The following CRACR2A variants were observed in gnomAD, a reference collection of about 807,000 sequenced individuals.
The protein encoded by CRACR2A is EF-hand calcium-binding domain-containing protein 4B.
Under a neutral mutation model 90.5 loss-of-function variants are expected in CRACR2A, and 79 were observed. The ratio of observed to expected loss-of-function variants is 0.87; its 90% CI spans 0.73 to 1.05. CRACR2A has a LOEUF of 1.05. Ranked by LOEUF, CRACR2A falls within the 50% of genes least tolerant of loss-of-function variation. The probability of loss-of-function intolerance (pLI) is 0.00; values close to 1 mark genes in which losing one functional copy is unlikely to be tolerated. For missense variants in CRACR2A, 823 were observed against 897.2 expected (o/e 0.92, Z 1.06); for synonymous variants, 338 against 356.7 (o/e 0.95, Z 0.59).
Position 3,633,629 on chromosome 12 carries a change from G to T in CRACR2A, c.1710C>A (p.Phe570Leu). The change falls in exon 15 of 20, where the codon TTC (phenylalanine) becomes TTA (leucine). Residue 570 changes from phenylalanine (F) to leucine (L), a missense_variant. Transcript: ENST00000440314. The surrounding 1 kb of genome is among the most constrained non-coding windows in gnomAD (Gnocchi z 4.5). ...SFLRRFCEDR[F>L]SPGMAATVGI... ...CCACAGTGGCCGCCATGCCTGGGGA[G>T]AACCGGTCCTCACAGAATCTCCTCA... 1 of 1,551,728 alleles carries T rather than the reference G, an allele frequency of 6.4e-7. No homozygotes were observed. Among genetic ancestry groups the T allele is most frequent in the Non-Finnish European group, 8.7e-7 (1 of 1,147,000 alleles).
At chr12:3,684,564 C>CA in intron 4 of CRACR2A, among the ~76,000 whole-genome samples, 1 of 152,310 alleles carries the variant, frequency 6.6e-6, no homozygotes, top group Admixed American at 6.5e-5. Flanking sequence ...TAAAAAATGC[C>CA]TCCATACATT....
chr12:3,618,359 C>A (rs4765743), intron 18 of CRACR2A, among the ~76,000 whole-genome samples: 98,305 of 152,042 alleles, frequency 0.65, 32,070 homozygotes, highest in African/African-American at 0.75. Flanking sequence ...AAACCTTTGA[C>A]TATTCACTCA....
At chr12:3,670,649 C>G (rs187674791) in intron 7 of CRACR2A, among the ~76,000 whole-genome samples, 57 of 152,268 alleles carry the variant, frequency 3.7e-4, no homozygotes, top group African/African-American at 1.3e-3. Context: ...CTAAAAGAGG[C>G]TCTAGTAGAA....
At chr12:3,648,153 C>A in intron 11 of CRACR2A, 1 of 1,052,476 alleles carries the variant, frequency 9.5e-7, no homozygotes, top group South Asian at 4.4e-5. Flanking sequence ...TCAGTAAATT[C>A]CTGTGAATGA....
At chr12:3,634,051 G>A (rs775308210) in intron 14 of CRACR2A, among the ~76,000 whole-genome samples, 2 of 152,198 alleles carry the variant, frequency 1.3e-5, no homozygotes, top group African/African-American at 2.4e-5. Flanking sequence ...GCACGCTCAC[G>A]GATAAGGACA....
chr12:3,745,825 T>TAAAATAAAATAAAAAAG (rs149739964), intron 1 of CRACR2A, among the ~76,000 whole-genome samples: 3 of 100,534 alleles, frequency 3.0e-5, no homozygotes, highest in Non-Finnish European at 2.0e-5. Flanking sequence ...TAAAATAAAA[T>TAAAATAAAATAAAAAAG]AAAGAAAGAA....
chr12:3,704,230 T>A (rs1945880268), intron 3 of CRACR2A, among the ~76,000 whole-genome samples: 1 of 152,248 alleles, frequency 6.6e-6, no homozygotes, highest in African/African-American at 2.4e-5. Context: ...GGGAATGAAC[T>A]GTTGATCCAA....
At chr12:3,751,278 C>A (rs981510170) in intron 1 of CRACR2A, among the ~76,000 whole-genome samples, 1 of 152,242 alleles carries the variant, frequency 6.6e-6, no homozygotes, top group African/African-American at 2.4e-5. Context: ...TACCCCCAAG[C>A]CTTTTAGCCC....
chr12:3,654,129 G>A (rs1944851233), intron 10 of CRACR2A, 83 bp downstream of exon 10: 2 of 1,502,714 alleles, frequency 1.3e-6, no homozygotes, highest in East Asian at 2.3e-5. Flanking sequence ...AAGGAGACAG[G>A]GTCTCTGAGC....
intron 11 of CRACR2A, among the ~76,000 whole-genome samples, chr12:3,645,544 C>T (rs919303777): frequency 1.3e-5 from 2 of 152,158 alleles, no homozygotes; most frequent in Non-Finnish European, 2.9e-5. Flanking sequence ...AAAGAAGTGT[C>T]AAGATCTGGC....
intron 7 of CRACR2A, among the ~76,000 whole-genome samples, chr12:3,665,370 T>A (rs893505227): frequency 6.6e-6 from 1 of 152,256 alleles, no homozygotes; most frequent in South Asian, 2.1e-4. Flanking sequence ...AAACAGAAGG[T>A]CTGGGTTCAA....
intron 1 of CRACR2A, among the ~76,000 whole-genome samples, chr12:3,752,349 C>CAG (rs751327930): frequency 1.6e-4 from 13 of 79,064 alleles, no homozygotes; most frequent in Admixed American, 4.5e-4. Context: ...CACACACACA[C>CAG]ACACACGGAC....
intron 2 of CRACR2A, among the ~76,000 whole-genome samples, chr12:3,714,719 T>G (rs1426536331): frequency 1.3e-5 from 2 of 152,260 alleles, no homozygotes; most frequent in Non-Finnish European, 2.9e-5. Context: ...AAATATTTTT[T>G]AATGAGAAGA....
chr12:3,717,623 A>T (rs1338579475), intron 2 of CRACR2A, among the ~76,000 whole-genome samples: 1 of 152,168 alleles, frequency 6.6e-6, no homozygotes, highest in Admixed American at 6.5e-5. Flanking sequence ...GAGTACACAA[A>T]GGATTTTGTC....
chr12:3,638,319 G>A lies in CRACR2A; in HGVS notation c.1407C>T (p.Arg469=), dbSNP rs1432455740. ...GPGGPYPRPL[R]RIISVEEDPL... ...GGTCTTCTTCAACGGAGATGATTCT[G>A]CGGAGCGGCCGGGGGTACGGACCCC... The change falls in exon 14 of 20, where the codon CGC becomes CGT. Residue 469 remains arginine (R), a synonymous_variant. Transcript: ENST00000440314. 5 of 1,551,240 alleles carry A rather than the reference G, an allele frequency of 3.2e-6. No homozygotes were observed. Among genetic ancestry groups the A allele is most frequent in the Non-Finnish European group, 4.4e-6 (5 of 1,146,602 alleles).
intron 2 of CRACR2A, chr12:3,726,691 G>A (rs77385090): frequency 3.3e-5 from 5 of 152,118 alleles, no homozygotes; most frequent in Non-Finnish European, 7.4e-5. Context: ...CGTGAGCTCA[G>A]TCTTACGTAT....
intron 3 of CRACR2A, among the ~76,000 whole-genome samples, chr12:3,703,421 C>CA (rs1205704031): frequency 6.6e-6 from 1 of 152,244 alleles, no homozygotes. Context: ...GTACCATATA[C>CA]AAAAAATAAC....
chr12:3,707,098 C>T (rs2137750679), intron 3 of CRACR2A, among the ~76,000 whole-genome samples: 1 of 152,294 alleles, frequency 6.6e-6, no homozygotes, highest in African/African-American at 2.4e-5. Flanking sequence ...TTCCCTACCC[C>T]AGGCCACCAA....
intron 2 of CRACR2A, among the ~76,000 whole-genome samples, chr12:3,715,411 C>A (rs71458073): frequency 5.9e-5 from 9 of 152,182 alleles, no homozygotes; most frequent in Non-Finnish European, 1.3e-4. Flanking sequence ...AGAGACCAAC[C>A]TGAGTCTCAA....
Sources: allele counts gnomAD v4.1 joint callset (sites outside exome capture counted in the v4.1 genomes callset), GRCh38; gene constraint gnomAD v4.1.1; non-coding constraint Gnocchi (gnomAD v3.1); transcripts MANE v1.5; gene names NCBI Gene and HGNC (gene_info 2026-07-23, HGNC 2026-07-21).